The following EYA2 variants were observed in gnomAD, a reference collection of about 807,000 sequenced individuals.
EYA2 encodes protein phosphatase EYA2.
Under a neutral mutation model 69.2 loss-of-function variants are expected in EYA2, and 31 were observed. The observed-to-expected ratio is 0.45, with a 90% CI of 0.34 to 0.60. The LOEUF (loss-of-function observed/expected upper bound fraction) is 0.60. Among genes scored for constraint, EYA2 ranks in the 20% least tolerant of loss-of-function variants. The pLI is 0.02. For synonymous variants in EYA2, 257 were observed against 279.4 expected, an observed-to-expected ratio of 0.92 and a Z score of 0.80; for missense variants, 622 against 701.2, an observed-to-expected ratio of 0.89 and a Z score of 1.28.
At chr20:47,095,038 CAATA>C (rs938201679) in intron 8 of EYA2, among the ~76,000 whole-genome samples, 5 of 151,792 alleles carry the variant, frequency 3.3e-5, no homozygotes, top group African/African-American at 9.7e-5. Context: ...TAATTAAAAA[CAATA>C]AAGGCCAAGG....
At chr20:47,187,068 AATT>A (rs1405304837) in intron 15 of EYA2, among the ~76,000 whole-genome samples, 1 of 151,580 alleles carries the variant, frequency 6.6e-6, no homozygotes, top group Admixed American at 6.6e-5. Flanking sequence ...TAAAAAAAAA[AATT>A]AATGAAACGA....
chr20:47,180,346 G>A (rs1178276138), intron 13 of EYA2, among the ~76,000 whole-genome samples: 1 of 152,156 alleles, frequency 6.6e-6, no homozygotes, highest in Non-Finnish European at 1.5e-5. Flanking sequence ...ATTTAATAAA[G>A]CTTAAGTGCA....
intron 7 of EYA2, among the ~76,000 whole-genome samples, chr20:47,085,195 G>T (rs770378223): frequency 2.0e-5 from 3 of 151,928 alleles, no homozygotes; most frequent in Non-Finnish European, 2.9e-5. Flanking sequence ...AACAAGCTCA[G>T]TAAAAATAAA....
chr20:46,935,734 A>G (rs909622523), intron 1 of EYA2, among the ~76,000 whole-genome samples: 6 of 152,188 alleles, frequency 3.9e-5, no homozygotes, highest in Non-Finnish European at 5.9e-5. Flanking sequence ...CCTGGCACGT[A>G]GTAAACTCTC....
At chr20:46,992,733 G>A (rs1392691591) in intron 2 of EYA2, among the ~76,000 whole-genome samples, 2 of 152,152 alleles carry the variant, frequency 1.3e-5, no homozygotes, top group Non-Finnish European at 2.9e-5. Flanking sequence ...GGGTGGAAGC[G>A]ATGAGGCAGA....
At chr20:46,898,079 T>A (rs2146206918) in intron 1 of EYA2, among the ~76,000 whole-genome samples, 1 of 152,018 alleles carries the variant, frequency 6.6e-6, no homozygotes, top group African/African-American at 2.4e-5. Context: ...GAGAACCTGC[T>A]CCCCCAGAGA....
intron 4 of EYA2, among the ~76,000 whole-genome samples, chr20:47,007,813 G>C (rs1982811818): frequency 6.6e-6 from 1 of 151,706 alleles, no homozygotes; most frequent in African/African-American, 2.4e-5. Context: ...GAGACGGGGG[G>C]TGGGGGGTCT....
chr20:46,906,629 C>G (rs1186550001), intron 1 of EYA2, among the ~76,000 whole-genome samples: 1 of 152,168 alleles, frequency 6.6e-6, no homozygotes, highest in African/African-American at 2.4e-5. Flanking sequence ...TTATTCCTTG[C>G]AATAATTCTA....
At chr20:47,122,704 A>G (rs2033085350) in intron 9 of EYA2, among the ~76,000 whole-genome samples, 1 of 152,056 alleles carries the variant, frequency 6.6e-6, no homozygotes, top group Non-Finnish European at 1.5e-5. Context: ...TCAGCAAACT[A>G]CATCCATCCT....
intron 5 of EYA2, among the ~76,000 whole-genome samples, chr20:47,051,415 C>G (rs1015255653): frequency 5.3e-5 from 8 of 152,150 alleles, no homozygotes; most frequent in Admixed American, 2.6e-4. Context: ...TCCAGTAGGA[C>G]CAAAAATTAC....
At chr20:47,001,603 T>C in intron 3 of EYA2, 130 bp downstream of exon 3, 1 of 919,660 alleles carries the variant, frequency 1.1e-6, no homozygotes, top group Non-Finnish European at 1.7e-6. Context: ...ACTTCCTAGC[T>C]GAGTGAGCTT....
In EYA2 at chr20:47,052,743, C is replaced by A. The variant is rs552760287; in HGVS notation, c.416-19442C>A. On this transcript the variant is annotated intron_variant, in intron 5 of 15. Transcript: ENST00000327619. ...TTCAAGCAATCCTCCTGCCTCAGCC[C>A]CCAAGTAGCTGGGACTGTCACCATA... 1.1e-3 allele frequency among the ~76,000 whole-genome samples: 163 copies of A among 152,078 alleles called. 4 individuals are homozygous for A. The highest frequency in any genetic ancestry group is 0.01 in the Admixed American group (158 of 15,280).
rs6090632 is a variant in EYA2 at position 47,172,692 on chromosome 20, C to G, written c.1038-15C>G. On this transcript the variant is annotated splice_polypyrimidine_tract_variant and intron_variant, in intron 11 of 15. Coordinates refer to ENST00000327619, the MANE Select transcript of EYA2 (RefSeq NM_005244.5). Reference sequence around the variant, plus strand: ...CCCCTGCACTAACACTGTCCCTCCCCTCCTCTCTCCGCAGCACATACAACT... The same window carrying G: ...CCCCTGCACTAACACTGTCCCTCCCGTCCTCTCTCCGCAGCACATACAACT... The G allele has an allele frequency of 0.034, 54,859 of 1,599,542 alleles. 12,063 individuals are homozygous for G. The African/African-American group carries it at 0.56, about 16-fold the overall frequency.
intron 9 of EYA2, among the ~76,000 whole-genome samples, chr20:47,107,074 C>T (rs2032603565): frequency 6.6e-6 from 1 of 152,110 alleles, no homozygotes; most frequent in South Asian, 2.1e-4. Flanking sequence ...TGCATTTTCT[C>T]ATTTTATTCA....
chr20:46,905,121 G>GA (rs1984290617), intron 1 of EYA2, among the ~76,000 whole-genome samples: 1 of 151,968 alleles, frequency 6.6e-6, no homozygotes, highest in South Asian at 2.1e-4. Flanking sequence ...GAGGAGGGAA[G>GA]AAGGAGACAT....
Position 47,143,072 on chromosome 20 carries a change from C to A in EYA2, c.902C>A (p.Ser301Tyr). 6.2e-7 allele frequency: 1 copy of A among 1,613,850 alleles called. No homozygotes were observed. The highest frequency in any genetic ancestry group is 8.5e-7 in the Non-Finnish European group (1 of 1,179,870). Residue 301 changes from serine to tyrosine, a missense_variant, in exon 10 of 16, where the codon TCC becomes TAC. Ser to Tyr is a moderately radical substitution (Grantham distance 144). This residue lies in a region of EYA2 where 257 missense variants were observed against 351.5 expected (regional missense o/e 0.73). Transcript: ENST00000327619. ...ASRYGKDTTT[S>Y]VRIGLMMEEM... ...TCTGCCTCGCAGGACACCACGACGTCCGTGCGCATTGGCCTTATGATGGAA... is the reference window on the plus strand; with the variant it reads ...TCTGCCTCGCAGGACACCACGACGTACGTGCGCATTGGCCTTATGATGGAA...
Position 46,941,953 on chromosome 20 carries a change from T to G in EYA2, c.-11+46966T>G, listed in dbSNP as rs1986172012. On this transcript the variant is annotated intron_variant, in intron 1 of 15. Transcript: ENST00000327619. ...TAAATTTTTTTGCAGAGATGGGATC[T>G]CACTATGTCGCCCAGCTGGTCTCAA... 1.3e-5 allele frequency among the ~76,000 whole-genome samples: 2 copies of G among 151,936 alleles called. 1 individual carries two copies. Among genetic ancestry groups the G allele is most frequent in the South Asian group, 4.2e-4 (2 of 4,806 alleles).
chr20:47,099,656 A>G (rs142562663), intron 9 of EYA2, among the ~76,000 whole-genome samples: 1 of 152,350 alleles, frequency 6.6e-6, no homozygotes, highest in East Asian at 1.9e-4. Flanking sequence ...AGCCTCTGCT[A>G]TAATCTAAGA....
chr20:46,994,106 A>G (rs1011381973), intron 2 of EYA2, among the ~76,000 whole-genome samples: 1 of 152,188 alleles, frequency 6.6e-6, no homozygotes, highest in African/African-American at 2.4e-5. Flanking sequence ...AACCCAGATA[A>G]CTTTAGGGAG....
Sources: gnomAD v4.1 joint callset for allele counts (sites outside exome capture counted in the v4.1 genomes callset) on GRCh38, gnomAD v4.1.1 for gene constraint, gnomAD v4.1.1 regional missense constraint, MANE v1.5 for transcripts, NCBI Gene and HGNC (gene_info 2026-07-23, HGNC 2026-07-21) for gene names.